AP3B2: variants seen among roughly 807,000 people sequenced by gnomAD.
AP3B2 encodes the protein adaptor related protein complex 3 subunit beta 2.
AP3B2 carries 50 observed loss-of-function variants against 126.9 expected under a neutral mutation model. The ratio of observed to expected loss-of-function variants is 0.39; its 90% CI spans 0.31 to 0.50. The LOEUF (loss-of-function observed/expected upper bound fraction) is 0.50, where lower values mean the gene tolerates loss of function less well. Ranked by LOEUF, AP3B2 falls within the 20% of genes least tolerant of loss-of-function variation. The pLI is 0.79. For missense variants in AP3B2, 1,177 were observed against 1,426.4 expected, an observed-to-expected ratio of 0.83 and a Z score of 2.82; for synonymous variants, 541 against 565.0, an observed-to-expected ratio of 0.96 and a Z score of 0.60.
In AP3B2 at chr15:82,708,221, G is replaced by A. The variant is rs1361932642; in HGVS notation, c.113+1373C>T. ...ACTGAGCACCTTGTGTCCCCCCACC[G>A]CCAGAGAACAACCCCCTTTGACTGT... On this transcript the variant is annotated intron_variant, in intron 1 of 26. Coordinates refer to ENST00000535359, the MANE Select transcript of AP3B2 (RefSeq NM_001278512.2). 3.6e-5 allele frequency among the ~76,000 whole-genome samples: 4 copies of A among 111,490 alleles called. 1 individual carries two copies. Among genetic ancestry groups the A allele is most frequent in the South Asian group, 5.8e-4 (2 of 3,474 alleles). 73.1% of individuals were successfully genotyped at this position (111,490 alleles called of 152,430 possible). A position where few individuals can be genotyped will look rare whatever the true frequency, so the allele number is the denominator to read the frequency against.
intron 1 of AP3B2, among the ~76,000 whole-genome samples, chr15:82,703,419 C>T (rs953839128): frequency 6.6e-6 from 1 of 152,022 alleles, no homozygotes; most frequent in African/African-American, 2.4e-5. Context: ...TGTCTCTACC[C>T]TCTCTTTTCT....
intron 1 of AP3B2, among the ~76,000 whole-genome samples, chr15:82,694,158 C>A (rs1272536340): frequency 6.6e-6 from 1 of 151,948 alleles, no homozygotes; most frequent in Non-Finnish European, 1.5e-5. Flanking sequence ...TGTGCACCAC[C>A]ATGCCTGGCA....
At chr15:82,662,567 G>A in intron 23 of AP3B2, 127 bp downstream of exon 23, 1 of 891,956 alleles carries the variant, frequency 1.1e-6, no homozygotes, top group East Asian at 2.7e-5. Context: ...TGTTGATCAT[G>A]TTAGATGCTA....
At chr15:82,672,596 T>G (rs1019997075) in intron 14 of AP3B2, among the ~76,000 whole-genome samples, 1 of 152,158 alleles carries the variant, frequency 6.6e-6, no homozygotes, top group Non-Finnish European at 1.5e-5. Flanking sequence ...CATTTATAAA[T>G]AACTAAGAGA....
Position 82,680,293 on chromosome 15 carries a change from G to A in AP3B2, c.1056-64C>T. The A allele has an allele frequency of 1.9e-6, 3 of 1,606,704 alleles. No individual in the cohort carries two copies. The highest frequency in any genetic ancestry group is 2.6e-6 in the Non-Finnish European group (3 of 1,175,990). ...GTTGGGGCAAGGGTCAGCGGATGAG[G>A]GGAAAAGGTGGGGCAAGTCGTTGCG... On this transcript the variant is annotated intron_variant, in intron 8 of 26. Coordinates refer to ENST00000535359, the MANE Select transcript of AP3B2 (RefSeq NM_001278512.2). The surrounding 1 kb of genome is among the most constrained non-coding windows in gnomAD (Gnocchi z 6.1).
intron 25 of AP3B2, among the ~76,000 whole-genome samples, chr15:82,661,301 A>G (rs1025329407): frequency 1.2e-4 from 19 of 152,098 alleles, no homozygotes; most frequent in African/African-American, 4.1e-4. Flanking sequence ...CTCCTCCTGA[A>G]TTTCCCAAAT....
At chr15:82,676,706 C>T in intron 13 of AP3B2, 69 bp from the exon 14 acceptor site, 1 of 1,503,132 alleles carries the variant, frequency 6.7e-7, no homozygotes. Context: ...TGTGGACTTC[C>T]AGGGAAACAG....
rs559797205 is a variant in AP3B2 at position 82,668,886 on chromosome 15, CT to C, written c.1666-1954del. Among the ~76,000 whole-genome samples, 141 of 152,376 alleles carry C rather than the reference CT, an allele frequency of 9.3e-4. 1 individual carries two copies. Among genetic ancestry groups the C allele is most frequent in the Non-Finnish European group, 1.4e-3 (95 of 68,044 alleles). ...AGGAATTTTAAGCAGGAAACACTGA[CT>C]TCCTTTCCATAACCTATGCCAACAT... On this transcript the variant is annotated intron_variant, in intron 14 of 26. Transcript: ENST00000535359.
intron 1 of AP3B2, among the ~76,000 whole-genome samples, chr15:82,708,274 T>C (rs961590685): frequency 1.3e-5 from 2 of 149,722 alleles, no homozygotes; most frequent in South Asian, 2.1e-4. Flanking sequence ...CCAAATCCTG[T>C]AAAACGGTCC....
At chr15:82,695,988 T>C (rs183508356) in intron 1 of AP3B2, among the ~76,000 whole-genome samples, 1 of 152,304 alleles carries the variant, frequency 6.6e-6, no homozygotes, top group Non-Finnish European at 1.5e-5. Context: ...GAGCGGTGTG[T>C]ATGAGAGTAG....
intron 10 of AP3B2, among the ~76,000 whole-genome samples, chr15:82,678,410 A>G (rs987834092): frequency 6.6e-5 from 10 of 152,178 alleles, no homozygotes; most frequent in Non-Finnish European, 1.2e-4. Flanking sequence ...TCCCTACTGC[A>G]TTGAAAACTT....
intron 10 of AP3B2, 77 bp downstream of exon 10, chr15:82,679,652 G>T (rs1435984927): frequency 1.5e-6 from 2 of 1,349,664 alleles, no homozygotes; most frequent in South Asian, 1.2e-5. Context: ...GCACCAGGGG[G>T]GCCACTGTGA....
chr15:82,682,295 C>T (rs1339718544), intron 4 of AP3B2, among the ~76,000 whole-genome samples: 2 of 151,998 alleles, frequency 1.3e-5, no homozygotes, highest in African/African-American at 2.4e-5. Context: ...GCAAGTGATC[C>T]GCCCACCTCG....
At position 82,680,626 on chromosome 15, in the gene AP3B2, C is replaced by A; in HGVS notation, c.901G>T (p.Asp301Tyr). The change falls in exon 8 of 27, where the codon GAC (aspartate) becomes TAC (tyrosine). Residue 301 changes from aspartate (D) to tyrosine (Y), a missense_variant. By Grantham distance (160) the Asp-to-Tyr change is radical. Around this residue, in one of 5 missense-constraint regions of AP3B2, gnomAD observed 308 missense variants for 452.4 expected, o/e 0.68. Transcript: ENST00000535359. The surrounding 1 kb of genome is among the most constrained non-coding windows in gnomAD (Gnocchi z 6.1). ...GTGTTGCGCAGCAGCAGCCGGTGGT[C>A]GGGGTCCATGACATAGGGCTTTCGG... is the stretch of plus-strand genomic sequence containing the variant. Reference protein sequence around the residue: ...PSRKPYVMDPDHRLLLRNTKP... With the variant: ...PSRKPYVMDPYHRLLLRNTKP... The A allele has an allele frequency of 6.3e-7, 1 of 1,596,408 alleles. No individual in the cohort carries two copies. The highest frequency in any genetic ancestry group is 1.1e-5 in the South Asian group (1 of 90,696).
intron 1 of AP3B2, among the ~76,000 whole-genome samples, chr15:82,702,815 A>G (rs994268909): frequency 7.2e-5 from 11 of 152,064 alleles, no homozygotes; most frequent in Non-Finnish European, 1.5e-5. Flanking sequence ...CACCCTTGGA[A>G]GATCAATCCC....
Position 82,664,149 on chromosome 15 carries a change from G to C in AP3B2, c.2262-174C>G, listed in dbSNP as rs1383133938. 2.6e-5 allele frequency among the ~76,000 whole-genome samples: 4 copies of C among 152,182 alleles called. No individual in the cohort carries two copies. The highest frequency in any genetic ancestry group is 4.8e-5 in the African/African-American group (2 of 41,448). On this transcript the variant is annotated intron_variant, in intron 19 of 26. Transcript: ENST00000535359. This position sits in a 1 kb window ranked among gnomAD's most constrained non-coding sequence, Gnocchi z 4.5. Reference sequence around the variant, plus strand: ...GAGAGCTTGAAGCCAGCTTGTGCCAGCTCAGGCTCTAGGACTCTGGTTGCT... The same window carrying C: ...GAGAGCTTGAAGCCAGCTTGTGCCACCTCAGGCTCTAGGACTCTGGTTGCT...
intron 23 of AP3B2, 33 bp downstream of exon 23, chr15:82,662,661 C>A: frequency 6.4e-7 from 1 of 1,571,570 alleles, no homozygotes; most frequent in East Asian, 2.3e-5. Flanking sequence ...GCCCAGGAGC[C>A]TCCTCCTCCA....
chr15:82,680,473 T>C lies in AP3B2; in HGVS notation c.1054A>G (p.Ser352Gly), dbSNP rs1433929710. ...KALVRLLRSH[S>G]EVQYVVLQNV... ...GGCGGGGCTGGGGGCGGAGCGCACC[T>C]GTGGCTGCGCAGCAGGCGCACCAGC... is the stretch of plus-strand genomic sequence containing the variant. Residue 352 changes from serine (S) to glycine (G), a missense_variant and splice_region_variant, in exon 8 of 27, where the codon AGT becomes GGT. Transcript: ENST00000535359. The surrounding 1 kb of genome is among the most constrained non-coding windows in gnomAD (Gnocchi z 6.1). 2 of 1,497,872 alleles carry C rather than the reference T, an allele frequency of 1.3e-6. No individual in the cohort carries two copies. The highest frequency in any genetic ancestry group is 2.5e-5 in the East Asian group (1 of 39,538). The allele number at this position is 1,497,872 out of a possible 1,614,324, so 92.8% of individuals were successfully genotyped here. A position where few individuals can be genotyped will look rare whatever the true frequency, so the allele number is the denominator to read the frequency against.
At position 82,659,665 on chromosome 15, in the gene AP3B2, G is replaced by A. The variant is rs1444309728; in HGVS notation, c.3201C>T (p.Thr1067=). Residue 1067 remains threonine, a synonymous_variant, in exon 27 of 27, where the codon ACC becomes ACT. Coordinates refer to ENST00000535359, the MANE Select transcript of AP3B2 (RefSeq NM_001278512.2). ...TLTGGSLVLL[T]LDARPAGAAQ... ...CAGCTCCAGCTGGCCGGGCATCCAGGGTCAGCAGAACGAGGCTTCCACCAG... is the reference window on the plus strand; with the variant it reads ...CAGCTCCAGCTGGCCGGGCATCCAGAGTCAGCAGAACGAGGCTTCCACCAG... 6.2e-7 allele frequency: 1 copy of A among 1,613,892 alleles called. No homozygotes were observed. The highest frequency in any genetic ancestry group is 1.1e-5 in the South Asian group (1 of 91,066).
Sources: gnomAD v4.1 joint callset for allele counts (sites outside exome capture counted in the v4.1 genomes callset) on GRCh38, gnomAD v4.1.1 for gene constraint, gnomAD v4.1.1 regional missense constraint, Gnocchi (gnomAD v3.1) non-coding constraint, MANE v1.5 for transcripts, NCBI Gene and HGNC (gene_info 2026-07-23, HGNC 2026-07-21) for gene names.